The following C10orf90 variants were observed in gnomAD, a reference collection of about 807,000 sequenced individuals.
C10orf90 encodes the protein chromosome 10 open reading frame 90.
In C10orf90, 56 loss-of-function variants were observed where a neutral mutation model predicts 62.5. The observed-to-expected ratio is 0.90, with a 90% confidence interval of 0.72 to 1.12. C10orf90 has a LOEUF of 1.12. Among genes scored for constraint, C10orf90 ranks in the 50% most tolerant of loss-of-function variants. The pLI, the probability that C10orf90 is intolerant of heterozygous loss-of-function variation, is 0.00. For synonymous variants in C10orf90, 386 were observed against 340.4 expected (o/e 1.13, Z -1.47); for missense variants, 970 against 880.4 (o/e 1.10, Z -1.29).
At chr10:126,624,804 C>G (rs1231799456) in intron 2 of C10orf90, among the ~76,000 whole-genome samples, 1 of 152,044 alleles carries the variant, frequency 6.6e-6, no homozygotes, top group African/African-American at 2.4e-5. Context: ...CTCCATTAGC[C>G]CCCACAGTGG....
At chr10:126,522,695 G>A (rs925998150) in intron 2 of C10orf90, 3 of 152,252 alleles carry the variant, frequency 2.0e-5, no homozygotes, top group African/African-American at 7.2e-5. Context: ...TACAGATGAG[G>A]AAGTTGAGCT....
intron 2 of C10orf90, among the ~76,000 whole-genome samples, chr10:126,581,367 T>C (rs1301649664): frequency 6.6e-6 from 1 of 152,192 alleles, no homozygotes; most frequent in Non-Finnish European, 1.5e-5. Flanking sequence ...GAACACATCA[T>C]TGATCTGGAG....
intron 2 of C10orf90, among the ~76,000 whole-genome samples, chr10:126,570,386 G>A (rs892063210): frequency 7.9e-5 from 12 of 152,308 alleles, no homozygotes; most frequent in East Asian, 1.9e-4. Context: ...GGAGTGAAAC[G>A]CATTTACATG....
At chr10:126,505,636 A>G (rs1862688886) in intron 3 of C10orf90, among the ~76,000 whole-genome samples, 1 of 152,142 alleles carries the variant, frequency 6.6e-6, no homozygotes. Context: ...CATGGAAGTC[A>G]AGGTCCAGAG....
chr10:126,561,627 T>C (rs764070600), intron 2 of C10orf90, among the ~76,000 whole-genome samples: 1 of 152,062 alleles, frequency 6.6e-6, no homozygotes, highest in South Asian at 2.1e-4. Flanking sequence ...TGCAATGAGG[T>C]TTGGATGTGA....
intron 2 of C10orf90, among the ~76,000 whole-genome samples, chr10:126,568,950 G>A (rs972058836): frequency 6.6e-6 from 1 of 152,182 alleles, no homozygotes; most frequent in Non-Finnish European, 1.5e-5. Context: ...ATGAGGCCGG[G>A]CTGGCAGGAG....
Position 126,426,064 on chromosome 10 carries a change from T to G in C10orf90, c.2279A>C (p.Lys760Thr). ...TTTCCTTTGTTCTTCTTTTTTCTTT[T>G]TAACTTCCGGCAAGTTATCATAGAT... ...KRIYDNLPEV[K>T]KKKEEQRKRV... The change falls in exon 9 of 10, where the codon AAA becomes ACA. Residue 760 changes from lysine to threonine, a missense_variant. Physicochemically the swap from Lys to Thr is moderately conservative, Grantham distance 78. Transcript: ENST00000488181. The G allele has an allele frequency of 6.2e-7, 1 of 1,614,150 alleles. No homozygotes were observed. The highest frequency in any genetic ancestry group is 8.5e-7 in the Non-Finnish European group (1 of 1,179,974).
chr10:126,508,095 A>G (rs1270345215), intron 3 of C10orf90, among the ~76,000 whole-genome samples: 3 of 151,444 alleles, frequency 2.0e-5, no homozygotes, highest in African/African-American at 4.9e-5. Context: ...TTATAGGGCA[A>G]TGTTTCCCAA....
chr10:126,495,567 C>T (rs1050309647), intron 4 of C10orf90, among the ~76,000 whole-genome samples: 5 of 152,164 alleles, frequency 3.3e-5, no homozygotes, highest in East Asian at 1.9e-4. Context: ...TTGACAACAT[C>T]GTTTAAGAAG....
chr10:126,646,682 G>T (rs532906660), intron 1 of C10orf90, 45 bp from the exon 2 acceptor site: 140 of 419,396 alleles, frequency 3.3e-4, no homozygotes, highest in Non-Finnish European at 6.0e-4. Context: ...ATTTTGATTT[G>T]CCAGATATAT....
In C10orf90 at chr10:126,631,185, G is replaced by A. The variant is rs141043436; in HGVS notation, c.313+15380C>T. Reference sequence around the variant, plus strand: ...ACGAAGCCTGTCACTCCCTCCTTTTGTACCTGTTAGCAGCTTCTCCTGCAC... The same window carrying A: ...ACGAAGCCTGTCACTCCCTCCTTTTATACCTGTTAGCAGCTTCTCCTGCAC... On this transcript the variant is annotated intron_variant, in intron 2 of 9. Coordinates refer to ENST00000488181, the MANE Select transcript of C10orf90 (RefSeq NM_001350921.2). Among the ~76,000 whole-genome samples, 736 of 152,186 alleles carry A rather than the reference G, an allele frequency of 4.8e-3. 5 individuals are homozygous for A. The highest frequency in any genetic ancestry group is 0.017 in the African/African-American group (704 of 41,528).
chr10:126,445,803 G>GTATATATATATATATATATA (rs1227032547), intron 7 of C10orf90, among the ~76,000 whole-genome samples: 5 of 67,036 alleles, frequency 7.5e-5, no homozygotes, highest in African/African-American at 2.6e-4. Context: ...AGAAACTGTG[G>GTATATATATATATATATATA]TGTATATATA....
chr10:126,606,015 TTAG>T (rs1328194417), intron 2 of C10orf90, among the ~76,000 whole-genome samples: 1 of 152,182 alleles, frequency 6.6e-6, no homozygotes, highest in Non-Finnish European at 1.5e-5. Flanking sequence ...GAGATTCAAA[TTAG>T]TAGCCTTGAA....
chr10:126,615,875 C>T (rs2133808692), intron 2 of C10orf90, among the ~76,000 whole-genome samples: 1 of 152,282 alleles, frequency 6.6e-6, no homozygotes, highest in East Asian at 1.9e-4. Context: ...TTCATGGGCT[C>T]CCCAAACAGT....
chr10:126,499,278 T>C (rs1307460945), intron 4 of C10orf90, among the ~76,000 whole-genome samples: 1 of 152,134 alleles, frequency 6.6e-6, no homozygotes, highest in African/African-American at 2.4e-5. Flanking sequence ...CTATCAAAGG[T>C]GGTATCTGAA....
chr10:126,504,528 G>T lies in C10orf90; in HGVS notation c.963C>A (p.Val321=), dbSNP rs916081261. The change falls in exon 4 of 10, where the codon GTC becomes GTA. Residue 321 remains valine, a synonymous_variant. Transcript: ENST00000488181. The surrounding 1 kb of genome is among the most constrained non-coding windows in gnomAD (Gnocchi z 4.1). Reference sequence around the variant, plus strand: ...TGGTCTCTTTGTCGTCTGCATGGGTGACCCAGTACTTGCGTCTCTCACACA... The same window carrying T: ...TGGTCTCTTTGTCGTCTGCATGGGTTACCCAGTACTTGCGTCTCTCACACA... ...TGLCERRKYW[V]THADDKETSF... 1 of 1,614,104 alleles carries T rather than the reference G, an allele frequency of 6.2e-7. No homozygotes were observed. The highest frequency in any genetic ancestry group is 1.3e-5 in the African/African-American group (1 of 74,928).
Position 126,666,294 on chromosome 10 carries a change from A to C in C10orf90, c.240+3947T>G, listed in dbSNP as rs560016998. On this transcript the variant is annotated intron_variant, in intron 1 of 9. Transcript: ENST00000488181. ...TCCCCAGGGTATTTCAACAAGCCCA[A>C]ACAAATCGAAAAAATAAGCCTCAAA... 1.4e-4 allele frequency among the ~76,000 whole-genome samples: 22 copies of C among 152,272 alleles called. No homozygotes were observed. In the East Asian group the frequency reaches 2.1e-3, roughly 15 times the overall value.
At chr10:126,544,334 A>G (rs537346210) in intron 2 of C10orf90, among the ~76,000 whole-genome samples, 4 of 152,250 alleles carry the variant, frequency 2.6e-5, no homozygotes, top group Admixed American at 1.3e-4. Flanking sequence ...CCAGCATTAC[A>G]TGGGAGGTGG....
At chr10:126,477,459 TTG>T (rs1366514027) in intron 4 of C10orf90, among the ~76,000 whole-genome samples, 1 of 152,048 alleles carries the variant, frequency 6.6e-6, no homozygotes, top group Non-Finnish European at 1.5e-5. Context: ...CCACACTCCT[TTG>T]TGTTTTGCCT....
Sources: allele counts gnomAD v4.1 joint callset (sites outside exome capture counted in the v4.1 genomes callset), GRCh38; gene constraint gnomAD v4.1.1; non-coding constraint Gnocchi (gnomAD v3.1); transcripts MANE v1.5; gene names NCBI Gene and HGNC (gene_info 2026-07-23, HGNC 2026-07-21).